Variants in NRAS observed in about 807,000 individuals in gnomAD.
NRAS encodes the protein GTPase NRas.
A neutral mutation model predicts 21.3 loss-of-function variants in NRAS; 6 were observed. That is an observed-to-expected ratio of 0.28 (90% CI 0.15 to 0.56). The LOEUF is 0.56. Ranked by LOEUF, NRAS falls within the 20% of genes least tolerant of loss-of-function variation. The pLI, the probability that NRAS is intolerant of heterozygous loss-of-function variation, is 0.93. For missense variants in NRAS, 143 were observed against 231.3 expected, an observed-to-expected ratio of 0.62 and a Z score of 2.48; for synonymous variants, 84 against 82.0, an observed-to-expected ratio of 1.02 and a Z score of -0.13.
chr1:114,704,814 T>G lies in NRAS; in HGVS notation c.*3280A>C, dbSNP rs1176328848. Reference sequence around the variant, plus strand: ...ACGTTTTGAAATATAATACAACTACTCTGGTAACAAGAATACTTTTAAAAC... The same window carrying G: ...ACGTTTTGAAATATAATACAACTACGCTGGTAACAAGAATACTTTTAAAAC... On this transcript the variant is annotated 3_prime_UTR_variant, in exon 7 of 7. Transcript: ENST00000369535. 6.6e-6 allele frequency: 1 copy of G among 152,206 alleles called. No homozygotes were observed. Among genetic ancestry groups the G allele is most frequent in the East Asian group, 1.9e-4 (1 of 5,202 alleles). 9.4% of individuals were successfully genotyped at this position (152,206 alleles called of 1,614,324 possible).
chr1:114,711,615 AAAAC>A (rs1187559468), intron 3 of NRAS, among the ~76,000 whole-genome samples: 7 of 121,234 alleles, frequency 5.8e-5, no homozygotes, highest in Admixed American at 9.6e-5. Context: ...CAAAAAAAAA[AAAAC>A]AAACAAACAA....
intron 5 of NRAS, 34 bp downstream of exon 5, chr1:114,708,497 G>T (rs747132982): frequency 1.9e-6 from 3 of 1,607,394 alleles, no homozygotes; most frequent in African/African-American, 2.7e-5. Flanking sequence ...TATATACTAA[G>T]ATTTGTAATT....
rs1553244682 is a variant in NRAS at position 114,716,136 on chromosome 1, C to T, written c.25G>A (p.Val9Ile). 2 of 1,613,776 alleles carry T rather than the reference C, an allele frequency of 1.2e-6. No individual in the cohort carries two copies. Among genetic ancestry groups the T allele is most frequent in the Non-Finnish European group, 1.7e-6 (2 of 1,179,638 alleles). Residue 9 changes from valine (V) to isoleucine (I), a missense_variant, in exon 2 of 7, where the codon GTT (valine) becomes ATT (isoleucine). Val to Ile is a conservative substitution (Grantham distance 29, BLOSUM62 3). Coordinates refer to ENST00000369535, the MANE Select transcript of NRAS (RefSeq NM_002524.5). MTEYKLVV[V>I]GAGGVGKSAL... ...CTTTTCCCAACACCACCTGCTCCAA[C>T]CACCACCAGTTTGTACTCAGTCATT...
At chr1:114,716,001 C>T (rs1659155187) in intron 2 of NRAS, 49 bp downstream of exon 2, 2 of 1,128,680 alleles carry the variant, frequency 1.8e-6, no homozygotes, top group East Asian at 4.7e-5. Flanking sequence ...AAAGATGATC[C>T]GACAAGTGAG....
rs1171127016 is a variant in NRAS at position 114,707,613 on chromosome 1, T to C, written c.*481A>G. 1.3e-5 allele frequency: 2 copies of C among 152,616 alleles called. No individual in the cohort carries two copies. The highest frequency in any genetic ancestry group is 2.4e-5 in the African/African-American group (1 of 41,450). The allele number at this position is 152,616 out of a possible 1,614,324, so 9.5% of individuals were successfully genotyped here. A position where few individuals can be genotyped will look rare whatever the true frequency, so the allele number is the denominator to read the frequency against. On this transcript the variant is annotated 3_prime_UTR_variant, in exon 7 of 7. Coordinates refer to ENST00000369535, the MANE Select transcript of NRAS (RefSeq NM_002524.5). The stretch of plus-strand genomic sequence containing the variant: ...ACAAACCAAACAGCAATAATAACTA[T>C]ATTCTTGGCAAAACAGTAATTTATG...
At chr1:114,714,268 C>T (rs1659110105) in intron 2 of NRAS, among the ~76,000 whole-genome samples, 1 of 152,182 alleles carries the variant, frequency 6.6e-6, no homozygotes, top group South Asian at 2.1e-4. Context: ...CAAATGACAA[C>T]TCTACTGCAG....
chr1:114,716,350 T>G lies in NRAS; in HGVS notation c.-17-173A>C, dbSNP rs1273477744. Among the ~76,000 whole-genome samples the G allele has an allele frequency of 2.6e-5, 4 of 152,312 alleles. 1 individual carries two copies. The East Asian group carries it at 7.7e-4, about 29-fold the overall frequency. On this transcript the variant is annotated intron_variant, in intron 1 of 6. Coordinates refer to ENST00000369535, the MANE Select transcript of NRAS (RefSeq NM_002524.5). ...TCGGCCTCACACTTCTGGAGTAGTTTTCTAGCAACCCCCATCCTTAGCTAT... is the reference window on the plus strand; with the variant it reads ...TCGGCCTCACACTTCTGGAGTAGTTGTCTAGCAACCCCCATCCTTAGCTAT...
At chr1:114,709,477 TAAC>T (rs1415551204) in intron 4 of NRAS, 89 bp downstream of exon 4, 6 of 1,067,098 alleles carry the variant, frequency 5.6e-6, no homozygotes, top group Non-Finnish European at 8.5e-6. Context: ...AAAAAATGCA[TAAC>T]AACAAAGAAT....
intron 1 of NRAS, 67 bp downstream of exon 1, chr1:114,716,591 T>C (rs1462947771): frequency 6.2e-6 from 2 of 321,748 alleles, no homozygotes; most frequent in Non-Finnish European, 1.2e-5. Flanking sequence ...GCTCCATTTC[T>C]GGCATCAGTG....
chr1:114,708,634 G>A lies in NRAS; in HGVS notation c.471C>T (p.Tyr157=). 1.2e-6 allele frequency: 2 copies of A among 1,613,346 alleles called. No individual in the cohort carries two copies. Among genetic ancestry groups the A allele is most frequent in the Non-Finnish European group, 1.7e-6 (2 of 1,179,430 alleles). The change falls in exon 5 of 7, where the codon TAC becomes TAT. Residue 157 remains tyrosine (Y), a synonymous_variant. Coordinates refer to ENST00000369535, the MANE Select transcript of NRAS (RefSeq NM_002524.5). ...KTRQGVEDAF[Y]TLVREIRQYR... ...ACTGGCGTATTTCTCTTACCAGTGTGTAAAAAGCATCTTCAACACCCTATA... is the reference window on the plus strand; with the variant it reads ...ACTGGCGTATTTCTCTTACCAGTGTATAAAAAGCATCTTCAACACCCTATA...
In NRAS at chr1:114,709,602, A is replaced by T. The variant is rs778126954; in HGVS notation, c.417T>A (p.Ile139=). ...TCTTGGCTGAGGTTTCAATGAATGG[A>T]ATCCCGTAACTCTTGGCCAGTTCGT... ...QAHELAKSYG[I]PFIETSAKTR... Residue 139 remains isoleucine (I), a synonymous_variant, in exon 4 of 7, where the codon ATT becomes ATA. Coordinates refer to ENST00000369535, the MANE Select transcript of NRAS (RefSeq NM_002524.5). 6.2e-7 allele frequency: 1 copy of T among 1,614,118 alleles called. No homozygotes were observed. Among genetic ancestry groups the T allele is most frequent in the South Asian group, 1.1e-5 (1 of 91,080 alleles).
intron 3 of NRAS, among the ~76,000 whole-genome samples, chr1:114,712,678 A>G (rs1659073077): frequency 6.6e-6 from 1 of 152,246 alleles, no homozygotes. Context: ...GATAGAAAAT[A>G]AGCCAAGACT....
intron 4 of NRAS, among the ~76,000 whole-genome samples, chr1:114,709,072 T>A (rs959252949): frequency 1.3e-5 from 2 of 152,234 alleles, no homozygotes; most frequent in Non-Finnish European, 1.5e-5. Context: ...GGAGTAAACA[T>A]GCCATAACAG....
Position 114,711,528 on chromosome 1 carries a change from G to T in NRAS, c.291-1800C>A, listed in dbSNP as rs193122108. ...AGGCAGGAGAATCTCTCGAACCCGG[G>T]AGGCGGAGGTTGCAGTGAGCCGCGA... is the stretch of plus-strand genomic sequence containing the variant. On this transcript the variant is annotated intron_variant, in intron 3 of 6. Coordinates refer to ENST00000369535, the MANE Select transcript of NRAS (RefSeq NM_002524.5). 6.2e-4 allele frequency among the ~76,000 whole-genome samples: 94 copies of T among 151,596 alleles called. No individual in the cohort carries two copies. The South Asian group carries it at 8.5e-3, about 14-fold the overall frequency.
intron 3 of NRAS, among the ~76,000 whole-genome samples, chr1:114,710,890 T>G (rs936074103): frequency 6.6e-6 from 1 of 152,158 alleles, no homozygotes; most frequent in Non-Finnish European, 1.5e-5. Context: ...CCCTTTAGAT[T>G]AAGGTCTAAA....
chr1:114,710,718 G>A (rs936056583), intron 3 of NRAS, among the ~76,000 whole-genome samples: 7 of 152,120 alleles, frequency 4.6e-5, no homozygotes, highest in Non-Finnish European at 8.8e-5. Context: ...TGTATACTAA[G>A]GAGACTGCTT....
Position 114,713,788 on chromosome 1 carries a change from T to C in NRAS, c.290+12A>G. 2 of 1,604,786 alleles carry C rather than the reference T, an allele frequency of 1.2e-6. No individual in the cohort carries two copies. Among genetic ancestry groups the C allele is most frequent in the Admixed American group, 1.7e-5 (1 of 60,002 alleles). ...AAGATCATCCTTTCAGAGAAAATAA[T>C]GCTCCTAGTACCTGTAGAGGTTAAT... is the stretch of plus-strand genomic sequence containing the variant. On this transcript the variant is annotated intron_variant, in intron 3 of 6. Transcript: ENST00000369535.
At chr1:114,711,272 G>A (rs897461647) in intron 3 of NRAS, among the ~76,000 whole-genome samples, 2 of 152,032 alleles carry the variant, frequency 1.3e-5, no homozygotes, top group African/African-American at 4.8e-5. Flanking sequence ...CCGCACTCTG[G>A]CTTGGGCAAC....
intron 5 of NRAS, 98 bp downstream of exon 5, chr1:114,708,433 A>C: frequency 8.8e-7 from 1 of 1,141,704 alleles, no homozygotes; most frequent in Non-Finnish European, 1.3e-6. Flanking sequence ...GATAGGCAGA[A>C]ACTCAAAAAA....
Sources: allele counts gnomAD v4.1 joint callset (sites outside exome capture counted in the v4.1 genomes callset), GRCh38; gene constraint gnomAD v4.1.1; transcripts MANE v1.5; gene names NCBI Gene and HGNC (gene_info 2026-07-23, HGNC 2026-07-21).